The following COL19A1 variants were observed in gnomAD, a reference collection of about 807,000 sequenced individuals.
The protein encoded by COL19A1 is collagen type XIX alpha 1 chain.
Under a neutral mutation model 190.2 loss-of-function variants are expected in COL19A1, and 159 were observed. The ratio of observed to expected loss-of-function variants is 0.84; its 90% confidence interval spans 0.73 to 0.95. The LOEUF (loss-of-function observed/expected upper bound fraction) is 0.95. Ranked by LOEUF, COL19A1 falls within the 40% of genes least tolerant of loss-of-function variation. COL19A1 has a pLI of 0.00. For missense variants in COL19A1, 1,418 were observed against 1,431.9 expected, an observed-to-expected ratio of 0.99 and a Z score of 0.16; for synonymous variants, 509 against 458.9, an observed-to-expected ratio of 1.11 and a Z score of -1.39.
chr6:70,029,997 A>G (rs1163611357), intron 12 of COL19A1, among the ~76,000 whole-genome samples: 1 of 152,124 alleles, frequency 6.6e-6, no homozygotes, highest in Non-Finnish European at 1.5e-5. Context: ...AGCTTACCCA[A>G]CTTACCCATG....
chr6:70,064,767 AG>A (rs1399106933), intron 14 of COL19A1, among the ~76,000 whole-genome samples: 2 of 152,192 alleles, frequency 1.3e-5, no homozygotes, highest in African/African-American at 4.8e-5. Context: ...GCAAAGTCTC[AG>A]GATACAAAAT....
At chr6:70,048,650 ATT>A (rs1394581359) in intron 14 of COL19A1, among the ~76,000 whole-genome samples, 1 of 152,060 alleles carries the variant, frequency 6.6e-6, no homozygotes, top group Non-Finnish European at 1.5e-5. Context: ...AGAGAAAATT[ATT>A]TTTTACCAGA....
chr6:69,867,852 A>G (rs185096801), intron 1 of COL19A1, among the ~76,000 whole-genome samples: 102 of 152,206 alleles, frequency 6.7e-4, no homozygotes, highest in Middle Eastern at 3.4e-3. Context: ...GATAATAAGT[A>G]GTTTTAATAG....
intron 19 of COL19A1, 77 bp downstream of exon 19, chr6:70,137,824 A>G: frequency 7.2e-7 from 1 of 1,392,956 alleles, no homozygotes. Context: ...AATCAGCCCC[A>G]ATTCCACGTG....
chr6:70,082,124 A>T (rs957236136), intron 15 of COL19A1, among the ~76,000 whole-genome samples: 7 of 152,210 alleles, frequency 4.6e-5, no homozygotes, highest in Admixed American at 3.9e-4. Context: ...AAGAAGATGC[A>T]TATATAGGAA....
At chr6:70,199,138 C>A (rs1295044198) in intron 48 of COL19A1, among the ~76,000 whole-genome samples, 4 of 152,204 alleles carry the variant, frequency 2.6e-5, no homozygotes, top group Admixed American at 2.0e-4. Context: ...AATGAAAAGT[C>A]TAGCCCCCAT....
Position 70,188,148 on chromosome 6 carries a change from G to C in COL19A1, c.2930G>C (p.Gly977Ala). ...AAACCAGGCCTTACAGGCATGAAGG[G>C]GGCCATCGGTCCTATGGGTCCACCA... ...RGKPGLTGMKGAIGPMGPPGN... is the reference protein window; with the variant it reads ...RGKPGLTGMKAAIGPMGPPGN... The change falls in exon 47 of 51, where the codon GGG (glycine) becomes GCG (alanine). Residue 977 changes from glycine to alanine, a missense_variant. Physicochemically the swap from Gly to Ala is moderately conservative, Grantham distance 60. Coordinates refer to ENST00000620364, the MANE Select transcript of COL19A1 (RefSeq NM_001858.6). 1 of 1,614,032 alleles carries C rather than the reference G, an allele frequency of 6.2e-7. No homozygotes were observed. The highest frequency in any genetic ancestry group is 8.5e-7 in the Non-Finnish European group (1 of 1,179,956).
At chr6:69,958,641 G>A (rs1774579754) in intron 9 of COL19A1, among the ~76,000 whole-genome samples, 1 of 152,104 alleles carries the variant, frequency 6.6e-6, no homozygotes, top group South Asian at 2.1e-4. Context: ...TTACTTTAGT[G>A]TTTAGTATAT....
chr6:70,079,198 T>A (rs1782086102), intron 15 of COL19A1, among the ~76,000 whole-genome samples: 1 of 152,218 alleles, frequency 6.6e-6, no homozygotes, highest in African/African-American at 2.4e-5. Flanking sequence ...GGACTTAAGT[T>A]TCAGAAGTGA....
At chr6:70,136,604 C>T (rs900733677) in intron 18 of COL19A1, among the ~76,000 whole-genome samples, 1 of 152,036 alleles carries the variant, frequency 6.6e-6, no homozygotes, top group African/African-American at 2.4e-5. Flanking sequence ...TATGATTCCA[C>T]ATATGCAGTA....
At chr6:70,171,891 CTT>C (rs1765522631) in intron 40 of COL19A1, 71 bp from the exon 41 acceptor site, 1 of 1,462,702 alleles carries the variant, frequency 6.8e-7, no homozygotes, top group African/African-American at 1.4e-5. Context: ...GCAAAAAAAT[CTT>C]TGCTTTGGAA....
At chr6:70,171,603 A>G (rs1326474370) in intron 40 of COL19A1, among the ~76,000 whole-genome samples, 1 of 152,216 alleles carries the variant, frequency 6.6e-6, no homozygotes, top group African/African-American at 2.4e-5. Flanking sequence ...CTGAAAATCT[A>G]GCAGCACCAG....
At chr6:70,144,352 G>A in intron 24 of COL19A1, 89 bp downstream of exon 24, 3 of 1,158,066 alleles carry the variant, frequency 2.6e-6, no homozygotes, top group Non-Finnish European at 3.8e-6. Flanking sequence ...ACAGCCCAGG[G>A]CTTCTGGGAT....
chr6:70,156,035 G>A (rs1787408446), intron 31 of COL19A1, 92 bp from the exon 32 acceptor site: 1 of 996,880 alleles, frequency 1.0e-6, no homozygotes, highest in Non-Finnish European at 1.5e-6. Context: ...CTCATCTCCA[G>A]AGGTTCCAAA....
chr6:70,022,942 G>T (rs1200291370), intron 11 of COL19A1, among the ~76,000 whole-genome samples: 1 of 151,570 alleles, frequency 6.6e-6, no homozygotes, highest in South Asian at 2.1e-4. Flanking sequence ...TTTCATTTCT[G>T]ATTATTTTAT....
At chr6:70,138,382 G>A (rs1419144677) in intron 19 of COL19A1, among the ~76,000 whole-genome samples, 1 of 152,012 alleles carries the variant, frequency 6.6e-6, no homozygotes, top group East Asian at 1.9e-4. Context: ...TATTCAAATA[G>A]GACCACCTAA....
chr6:69,965,720 G>T (rs1775051549), intron 11 of COL19A1, among the ~76,000 whole-genome samples: 1 of 152,160 alleles, frequency 6.6e-6, no homozygotes. Flanking sequence ...GACTCTCTCA[G>T]ATGACAGCTA....
intron 24 of COL19A1, among the ~76,000 whole-genome samples, 193 bp downstream of exon 24, chr6:70,144,456 C>T (rs777937360): frequency 6.6e-6 from 1 of 152,068 alleles, no homozygotes; most frequent in Non-Finnish European, 1.5e-5. Context: ...TGCCATGTGA[C>T]AAAATGAACT....
chr6:69,879,199 A>G (rs527474398), intron 1 of COL19A1, among the ~76,000 whole-genome samples: 4 of 152,344 alleles, frequency 2.6e-5, no homozygotes, highest in African/African-American at 9.6e-5. Context: ...CATAAATTTT[A>G]TATTGTGTGT....
Sources: gnomAD v4.1 joint callset for allele counts (sites outside exome capture counted in the v4.1 genomes callset) on GRCh38, gnomAD v4.1.1 for gene constraint, MANE v1.5 for transcripts, NCBI Gene and HGNC (gene_info 2026-07-23, HGNC 2026-07-21) for gene names.